The following RYR2 variants were observed in gnomAD, a reference collection of about 807,000 sequenced individuals.
The protein encoded by RYR2 is ryanodine receptor 2.
A neutral mutation model predicts 601.1 loss-of-function variants in RYR2; 227 were observed. That is an observed-to-expected ratio of 0.38 (90% CI 0.34 to 0.42). RYR2 has a LOEUF of 0.42. Ranked by LOEUF, RYR2 falls within the 10% of genes least tolerant of loss-of-function variation. The probability of loss-of-function intolerance (pLI) is 1.00; values close to 1 mark genes in which losing one functional copy is unlikely to be tolerated. For synonymous variants in RYR2, 2,223 were observed against 2,175.1 expected, an observed-to-expected ratio of 1.02 and a Z score of -0.61; for missense variants, 4,646 against 6,156.5, an observed-to-expected ratio of 0.75 and a Z score of 8.21.
intron 1 of RYR2, among the ~76,000 whole-genome samples, chr1:237,117,294 C>T (rs1274998303): frequency 1.3e-5 from 2 of 152,002 alleles, no homozygotes; most frequent in African/African-American, 4.8e-5. Flanking sequence ...GGGGATAAGG[C>T]CCAGGTCACG....
At chr1:237,138,918 T>C (rs1049782012) in intron 1 of RYR2, among the ~76,000 whole-genome samples, 9 of 152,260 alleles carry the variant, frequency 5.9e-5, no homozygotes, top group African/African-American at 1.9e-4. Context: ...TACAGAGAAA[T>C]TGAAACTCTC....
At chr1:237,280,781 G>GTTTTTTTTTT (rs35115328) in intron 2 of RYR2, among the ~76,000 whole-genome samples, 2 of 143,670 alleles carry the variant, frequency 1.4e-5, no homozygotes, top group Non-Finnish European at 3.0e-5. Flanking sequence ...CTTCTTACTG[G>GTTTTTTTTTT]TTTTTTTTTT....
At position 237,491,881 on chromosome 1, in the gene RYR2, A is replaced by C; in HGVS notation, c.1784A>C (p.Lys595Thr). 6.9e-7 allele frequency: 1 copy of C among 1,451,056 alleles called. No individual in the cohort carries two copies. 89.9% of individuals were successfully genotyped at this position (1,451,056 alleles called of 1,614,324 possible). The change falls in exon 18 of 105, where the codon AAA (lysine) becomes ACA (threonine). Residue 595 changes from lysine to threonine, a missense_variant. Physicochemically the swap from Lys to Thr is moderately conservative, Grantham distance 78. Coordinates refer to ENST00000366574, the MANE Select transcript of RYR2 (RefSeq NM_001035.3). The part of the protein sequence containing the change: ...ALNIIKEGHI[K>T]SIISLLDKHG... ...AATATTATTAAAGAAGGACATATTA[A>C]ATCTATTATCTCACTTTTAGACAAA...
At chr1:237,804,690 T>A (rs767563047) in intron 98 of RYR2, among the ~76,000 whole-genome samples, 3 of 152,192 alleles carry the variant, frequency 2.0e-5, no homozygotes, top group Non-Finnish European at 2.9e-5. Flanking sequence ...AGGTGTATTA[T>A]AGCTTTCAGT....
intron 1 of RYR2, among the ~76,000 whole-genome samples, chr1:237,086,557 T>G (rs1253526578): frequency 6.6e-6 from 1 of 152,150 alleles, no homozygotes; most frequent in East Asian, 1.9e-4. Context: ...TACCTTTATC[T>G]TACTATGGTG....
intron 2 of RYR2, among the ~76,000 whole-genome samples, chr1:237,283,820 G>A (rs7534580): frequency 0.48 from 72,146 of 151,844 alleles, 19,155 homozygotes; most frequent in East Asian, 0.76. Flanking sequence ...CTTTTTTTCC[G>A]TAAGTTACTG....
chr1:237,242,751 C>T (rs1405288396), intron 1 of RYR2, among the ~76,000 whole-genome samples: 1 of 152,138 alleles, frequency 6.6e-6, no homozygotes, highest in African/African-American at 2.4e-5. Context: ...AGGTTTTAGG[C>T]TTACAGCTCT....
At chr1:237,148,006 T>C (rs1190793915) in intron 1 of RYR2, among the ~76,000 whole-genome samples, 1 of 152,176 alleles carries the variant, frequency 6.6e-6, no homozygotes, top group Admixed American at 6.5e-5. Flanking sequence ...AGTTAGGAAG[T>C]CATGTGGTCG....
intron 31 of RYR2, among the ~76,000 whole-genome samples, 198 bp downstream of exon 31, chr1:237,591,190 TCC>T (rs1457851190): frequency 4.2e-5 from 1 of 23,558 alleles, no homozygotes; most frequent in Non-Finnish European, 8.2e-5. Context: ...CTTCTCCTCC[TCC>T]CCCTTCTCCT....
At chr1:237,795,846 ATATGTATATG>A (rs1403035131) in intron 96 of RYR2, among the ~76,000 whole-genome samples, 1 of 116,874 alleles carries the variant, frequency 8.6e-6, no homozygotes, top group Non-Finnish European at 1.7e-5. Context: ...GTATATATAT[ATATGTATATG>A]TATATATATA....
In RYR2 at chr1:237,627,881, G is replaced by C. The variant is rs2148666859; in HGVS notation, c.6241G>C (p.Val2081Leu). ...GTCTGTCATTGAAGACCCCGAGCTG[G>C]TGAGGGCCATGTTTGTGTTGCTCCA... is the stretch of plus-strand genomic sequence containing the variant. ...QESVIEDPELVRAMFVLLHRQ... is the reference protein window; with the variant it reads ...QESVIEDPELLRAMFVLLHRQ... Residue 2081 changes from valine to leucine, a missense_variant, in exon 41 of 105, where the codon GTG (valine) becomes CTG (leucine). Val to Leu is a conservative substitution (Grantham distance 32, BLOSUM62 1). Transcript: ENST00000366574. 1 of 1,613,874 alleles carries C rather than the reference G, an allele frequency of 6.2e-7. No homozygotes were observed. Among genetic ancestry groups the C allele is most frequent in the Middle Eastern group, 1.6e-4 (1 of 6,062 alleles).
chr1:237,406,268 A>T, intron 10 of RYR2, among the ~76,000 whole-genome samples: 1 of 141,558 alleles, frequency 7.1e-6, no homozygotes, highest in Admixed American at 7.2e-5. Flanking sequence ...CCATACTACT[A>T]CCTAGGCTAG....
chr1:237,341,539 T>G, intron 3 of RYR2: 1 of 445,870 alleles, frequency 2.2e-6, no homozygotes, highest in Non-Finnish European at 4.6e-6. Context: ...GTTTATTGCC[T>G]TCCTATCCCC....
intron 2 of RYR2, among the ~76,000 whole-genome samples, chr1:237,298,735 C>A (rs1354574130): frequency 6.6e-6 from 1 of 152,128 alleles, no homozygotes; most frequent in African/African-American, 2.4e-5. Context: ...TGCAGTGGCT[C>A]ATGCCTATAA....
At chr1:237,641,067 C>A in intron 47 of RYR2, 65 bp downstream of exon 47, 5 of 1,163,274 alleles carry the variant, frequency 4.3e-6, no homozygotes, top group Non-Finnish European at 6.1e-6. Context: ...CTATAGCTGT[C>A]AAAGAGCATA....
At chr1:237,658,081 A>C (rs1057304989) in intron 54 of RYR2, 59 bp downstream of exon 54, 2 of 969,940 alleles carry the variant, frequency 2.1e-6, no homozygotes, top group Non-Finnish European at 2.9e-6. Context: ...TCACTGTTCA[A>C]ATATTTCTGA....
chr1:237,186,006 C>A (rs1039077424), intron 1 of RYR2, among the ~76,000 whole-genome samples: 1 of 152,138 alleles, frequency 6.6e-6, no homozygotes, highest in Non-Finnish European at 1.5e-5. Context: ...AGGTCTTAGG[C>A]CCCTGCTTTC....
chr1:237,208,339 G>A (rs1682044462), intron 1 of RYR2, among the ~76,000 whole-genome samples: 1 of 152,160 alleles, frequency 6.6e-6, no homozygotes, highest in African/African-American at 2.4e-5. Context: ...CTGAGTGATT[G>A]CCTTCTGTGT....
rs759308042 is a variant in RYR2, at chr1:237,610,724, T to G, written c.4684-38T>G. The stretch of plus-strand genomic sequence containing the variant: ...ATTACTTTGTGAACCCCAAGGGATG[T>G]TCTACATTTATTCTTTTTCTGCCTC... On this transcript the variant is annotated intron_variant, in intron 35 of 104. Coordinates refer to ENST00000366574, the MANE Select transcript of RYR2 (RefSeq NM_001035.3). The surrounding 1 kb of genome is among the most constrained non-coding windows in gnomAD (Gnocchi z 4.9). The G allele has an allele frequency of 6.6e-7, 1 of 1,505,672 alleles. No homozygotes were observed. Among genetic ancestry groups the G allele is most frequent in the African/African-American group, 1.4e-5 (1 of 72,508 alleles). The allele number at this position is 1,505,672 out of a possible 1,614,324, so 93.3% of individuals were successfully genotyped here.
Sources: allele counts gnomAD v4.1 joint callset (sites outside exome capture counted in the v4.1 genomes callset), GRCh38; gene constraint gnomAD v4.1.1; non-coding constraint Gnocchi (gnomAD v3.1); transcripts MANE v1.5; gene names NCBI Gene and HGNC (gene_info 2026-07-23, HGNC 2026-07-21).